Variants in NOL10 observed in about 807,000 individuals in gnomAD.
NOL10 encodes H_NH0074G24.1.
NOL10 carries 58 observed loss-of-function variants against 103.5 expected under a neutral mutation model. The ratio of observed to expected loss-of-function variants is 0.56; its 90% CI spans 0.45 to 0.70. The LOEUF is 0.70. NOL10 is among the 30% of genes least tolerant of loss of function. The probability of loss-of-function intolerance (pLI) is 0.00; values close to 1 mark genes in which losing one functional copy is unlikely to be tolerated. For missense variants in NOL10, 763 were observed against 807.3 expected, an observed-to-expected ratio of 0.95 and a Z score of 0.67; for synonymous variants, 287 against 282.5, an observed-to-expected ratio of 1.02 and a Z score of -0.16.
intron 1 of NOL10, 141 bp downstream of exon 1, chr2:10,689,655 A>T: frequency 1.3e-6 from 1 of 777,792 alleles, no homozygotes; most frequent in Non-Finnish European, 2.1e-6. Context: ...GGAAATTGTC[A>T]GCCGCCTCTG....
intron 19 of NOL10, among the ~76,000 whole-genome samples, chr2:10,580,462 G>T (rs965045013): frequency 6.6e-6 from 1 of 151,792 alleles, no homozygotes; most frequent in African/African-American, 2.4e-5. Context: ...TATAGTAAAG[G>T]ATTCTAGGGG....
intron 4 of NOL10, among the ~76,000 whole-genome samples, chr2:10,674,088 CATGCCTGTGATCCCAGCT>C (rs1427974170): frequency 6.6e-6 from 1 of 151,608 alleles, no homozygotes; most frequent in African/African-American, 2.4e-5. Context: ...CATGGTGGTG[CATGCCTGTGATCCCAGCT>C]ATTTGGGAGG....
chr2:10,586,194 A>C (rs1214935377), intron 19 of NOL10, among the ~76,000 whole-genome samples: 1 of 152,376 alleles, frequency 6.6e-6, no homozygotes, highest in East Asian at 1.9e-4. Context: ...TCTAAAATTA[A>C]GGTGATAGTT....
At chr2:10,572,255 CGTCAGGCTGCCAACA>C in intron 20 of NOL10, 65 bp from the exon 21 acceptor site, 5 of 1,566,348 alleles carry the variant, frequency 3.2e-6, no homozygotes, top group Non-Finnish European at 4.4e-6. Context: ...TTCTGGTAAC[CGTCAGGCTGCCAACA>C]GTACCACCAC....
At chr2:10,683,326 G>A (rs1459034786) in intron 2 of NOL10, among the ~76,000 whole-genome samples, 5 of 152,118 alleles carry the variant, frequency 3.3e-5, no homozygotes, top group African/African-American at 9.7e-5. Flanking sequence ...TCTTGCTGCC[G>A]TAAATTTAAA....
At chr2:10,590,568 A>C (rs1675342905) in intron 17 of NOL10, among the ~76,000 whole-genome samples, 1 of 27,458 alleles carries the variant, frequency 3.6e-5, no homozygotes. Context: ...AGTTACTGGG[A>C]AACAGAAGGG....
chr2:10,632,146 TTAA>T (rs979525254), intron 13 of NOL10, among the ~76,000 whole-genome samples: 1 of 152,180 alleles, frequency 6.6e-6, no homozygotes, highest in Admixed American at 6.5e-5. Context: ...TGTGTGCTCA[TTAA>T]TTTTTCCACA....
chr2:10,575,651 G>T (rs12692410), intron 20 of NOL10, among the ~76,000 whole-genome samples: 2 of 151,878 alleles, frequency 1.3e-5, no homozygotes, highest in African/African-American at 4.8e-5. Context: ...AGTACCTCCC[G>T]ATTTAGAAAC....
At chr2:10,620,801 T>C (rs952806556) in intron 13 of NOL10, among the ~76,000 whole-genome samples, 1 of 152,178 alleles carries the variant, frequency 6.6e-6, no homozygotes, top group Non-Finnish European at 1.5e-5. Context: ...TTTTTGTTGT[T>C]GTTGTTGTTT....
chr2:10,658,284 T>C (rs1441305628), intron 10 of NOL10, among the ~76,000 whole-genome samples: 4 of 152,154 alleles, frequency 2.6e-5, no homozygotes, highest in Non-Finnish European at 5.9e-5. Flanking sequence ...CAGATGGTGG[T>C]GGCAAGGCTA....
intron 13 of NOL10, among the ~76,000 whole-genome samples, chr2:10,611,957 C>G (rs1381726915): frequency 6.6e-6 from 1 of 151,758 alleles, no homozygotes; most frequent in African/African-American, 2.4e-5. Context: ...AAAACAAAAA[C>G]AGACTGTTAA....
intron 13 of NOL10, chr2:10,634,466 T>C (rs1417005916): frequency 2.2e-6 from 1 of 456,200 alleles, no homozygotes; most frequent in Non-Finnish European, 4.4e-6. Context: ...GAAGTTCTGA[T>C]GTAGACACAT....
intron 3 of NOL10, among the ~76,000 whole-genome samples, chr2:10,676,236 C>A (rs1681298158): frequency 6.6e-6 from 1 of 152,168 alleles, no homozygotes; most frequent in Non-Finnish European, 1.5e-5. Flanking sequence ...ACAATTGATA[C>A]AACTTCTTTG....
chr2:10,619,202 A>T (rs1182820192), intron 13 of NOL10, among the ~76,000 whole-genome samples: 1 of 149,890 alleles, frequency 6.7e-6, no homozygotes, highest in Non-Finnish European at 1.5e-5. Flanking sequence ...GCTGGAGTAC[A>T]GTGGCATGAT....
chr2:10,607,136 A>T, intron 14 of NOL10, 49 bp downstream of exon 14: 1 of 1,322,522 alleles, frequency 7.6e-7, no homozygotes, highest in Non-Finnish European at 1.0e-6. Context: ...TCAAAAAAAA[A>T]GTAGAAATAA....
chr2:10,643,575 A>G (rs944497347), intron 13 of NOL10, among the ~76,000 whole-genome samples: 4 of 152,204 alleles, frequency 2.6e-5, no homozygotes, highest in African/African-American at 9.7e-5. Flanking sequence ...GGAGGGAAAA[A>G]AAGGTTTTTT....
At chr2:10,635,895 TTTC>T (rs1005169595) in intron 13 of NOL10, among the ~76,000 whole-genome samples, 71 of 152,332 alleles carry the variant, frequency 4.7e-4, no homozygotes, top group African/African-American at 1.7e-3. Flanking sequence ...ATTTCATGTA[TTTC>T]TTATTTTTTT....
At chr2:10,614,765 T>C (rs1015568137) in intron 13 of NOL10, among the ~76,000 whole-genome samples, 1 of 152,224 alleles carries the variant, frequency 6.6e-6, no homozygotes, top group Non-Finnish European at 1.5e-5. Flanking sequence ...ACACTATACA[T>C]AGCTACATAT....
intron 13 of NOL10, 76 bp downstream of exon 13, chr2:10,644,244 T>C: frequency 8.7e-7 from 1 of 1,145,654 alleles, no homozygotes; most frequent in South Asian, 1.6e-5. Context: ...AGACTCCGTC[T>C]CAAAAAATTA....
Sources: gnomAD v4.1 joint callset for allele counts (sites outside exome capture counted in the v4.1 genomes callset) on GRCh38, gnomAD v4.1.1 for gene constraint, MANE v1.5 for transcripts, NCBI Gene and HGNC (gene_info 2026-07-23, HGNC 2026-07-21) for gene names.